PASK: variants seen among roughly 807,000 people sequenced by gnomAD.
PASK encodes PAS domain containing serine/threonine kinase.
A neutral mutation model predicts 121.0 loss-of-function variants in PASK; 110 were observed. The ratio of observed to expected loss-of-function variants is 0.91; its 90% CI spans 0.78 to 1.06. The LOEUF (loss-of-function observed/expected upper bound fraction) is 1.06. Ranked by LOEUF, PASK falls within the 50% of genes least tolerant of loss-of-function variation. PASK has a pLI of 0.00. For synonymous variants in PASK, 686 were observed against 717.8 expected, an observed-to-expected ratio of 0.96 and a Z score of 0.71; for missense variants, 1,643 against 1,702.3, an observed-to-expected ratio of 0.97 and a Z score of 0.61.
chr2:241,150,139 G>A (rs1415921688), upstream of PASK: 5 of 1,272,706 alleles, frequency 3.9e-6, no homozygotes, highest in South Asian at 6.5e-5. Flanking sequence ...GGTCGAGACA[G>A]TGACATAAGT....
intron 1 of PASK, among the ~76,000 whole-genome samples, chr2:241,143,807 CA>C (rs1248478744): frequency 6.6e-6 from 1 of 152,228 alleles, no homozygotes; most frequent in African/African-American, 2.4e-5. Flanking sequence ...CAGCTGTGCA[CA>C]GAATCACCTG....
chr2:241,144,726 G>A (rs1333160067), intron 1 of PASK, among the ~76,000 whole-genome samples: 1 of 152,186 alleles, frequency 6.6e-6, no homozygotes, highest in Non-Finnish European at 1.5e-5. Flanking sequence ...CAGGCCTGGG[G>A]TGAAGAGGAA....
At chr2:241,121,625 A>G (rs898623900) in intron 12 of PASK, among the ~76,000 whole-genome samples, 1 of 152,202 alleles carries the variant, frequency 6.6e-6, no homozygotes, top group African/African-American at 2.4e-5. Context: ...CTGCCTACAG[A>G]AGACCATTTT....
Position 241,106,414 on chromosome 2 carries a change from C to G in PASK, c.*152G>C. The stretch of plus-strand genomic sequence containing the variant: ...ATAAATCTAAAATAATACAGCATCA[C>G]TGTCTTCTGTTCTGGTGTTTATCAA... On this transcript the variant is annotated 3_prime_UTR_variant, in exon 18 of 18. Coordinates refer to ENST00000234040, the MANE Select transcript of PASK (RefSeq NM_015148.4). 1.3e-6 allele frequency: 1 copy of G among 783,638 alleles called. No individual in the cohort carries two copies. The highest frequency in any genetic ancestry group is 2.2e-6 in the Non-Finnish European group (1 of 446,476). The allele number at this position is 783,638 out of a possible 1,614,324, so 48.5% of individuals were successfully genotyped here.
chr2:241,122,629 C>T, intron 12 of PASK, 103 bp downstream of exon 12: 1 of 1,085,228 alleles, frequency 9.2e-7, no homozygotes, highest in Non-Finnish European at 1.4e-6. Flanking sequence ...GGTGCCATAC[C>T]TAGAGGACTC....
chr2:241,136,517 C>A (rs777768155), intron 7 of PASK, among the ~76,000 whole-genome samples: 3 of 152,158 alleles, frequency 2.0e-5, no homozygotes, highest in African/African-American at 4.8e-5. Flanking sequence ...AGCTGTAATG[C>A]CAGAACCCGC....
At chr2:241,148,981 C>G (rs550054208) in intron 1 of PASK, among the ~76,000 whole-genome samples, 1 of 140,604 alleles carries the variant, frequency 7.1e-6, no homozygotes, top group Non-Finnish European at 1.5e-5. Context: ...CGCCCCCGAC[C>G]CCGCGGCGCC....
chr2:241,127,347 T>A lies in PASK; in HGVS notation c.1568A>T (p.Glu523Val). The change falls in exon 10 of 18, where the codon GAG (glutamate) becomes GTG (valine). Residue 523 changes from glutamate to valine, a missense_variant. Transcript: ENST00000234040. ...ALGREEPVAI[E>V]SPGQDLLGES... is the part of the protein sequence containing the mutation. Reference sequence around the variant, plus strand: ...TCCCAGAAGATCCTGTCCGGGGCTCTCTATTGCCACAGGTTCCTCTCTCCC... The same window carrying A: ...TCCCAGAAGATCCTGTCCGGGGCTCACTATTGCCACAGGTTCCTCTCTCCC... 1.2e-6 allele frequency: 2 copies of A among 1,614,186 alleles called. No individual in the cohort carries two copies. Among genetic ancestry groups the A allele is most frequent in the South Asian group, 2.2e-5 (2 of 91,080 alleles).
chr2:241,119,429 C>T (rs1462621566), intron 12 of PASK, among the ~76,000 whole-genome samples: 2 of 151,720 alleles, frequency 1.3e-5, no homozygotes, highest in Non-Finnish European at 2.9e-5. Context: ...TCCATGCTCT[C>T]GCTGGGCATG....
At position 241,126,579 on chromosome 2, in the gene PASK, G is replaced by C. The variant is rs769570519; in HGVS notation, c.2336C>G (p.Pro779Arg). Residue 779 changes from proline to arginine, a missense_variant, in exon 10 of 18, where the codon CCA becomes CGA. Pro to Arg is a moderately radical substitution (Grantham distance 103). Around this residue, in one of 3 missense-constraint regions of PASK, gnomAD observed 1,176 missense variants for 1,162.2 expected, o/e 1.01. Coordinates refer to ENST00000234040, the MANE Select transcript of PASK (RefSeq NM_015148.4). Reference sequence around the variant, plus strand: ...CTGTTCCTGGAGACTGCCTACATCTGGATCGGAGCCCACTGCCAAGGAAGA... The same window carrying C: ...CTGTTCCTGGAGACTGCCTACATCTCGATCGGAGCCCACTGCCAAGGAAGA... ...TPSSLAVGSD[P>R]DVGSLQEQGS... 31 of 1,614,216 alleles carry C rather than the reference G, an allele frequency of 1.9e-5. No individual in the cohort carries two copies. Among genetic ancestry groups the C allele is most frequent in the Non-Finnish European group, 2.6e-5 (31 of 1,180,034 alleles).
At chr2:241,136,203 C>T (rs907918023) in intron 7 of PASK, among the ~76,000 whole-genome samples, 164 bp from the exon 8 acceptor site, 2 of 152,196 alleles carry the variant, frequency 1.3e-5, no homozygotes, top group South Asian at 2.1e-4. Flanking sequence ...CACCTGAAGC[C>T]CCTCAGATGC....
At chr2:241,115,680 C>A (rs2065308676) in intron 12 of PASK, among the ~76,000 whole-genome samples, 1 of 148,680 alleles carries the variant, frequency 6.7e-6, no homozygotes, top group African/African-American at 2.5e-5. Context: ...CCCATTACAC[C>A]AGGGCCACCC....
At chr2:241,128,682 C>A (rs2065985199) in intron 9 of PASK, among the ~76,000 whole-genome samples, 1 of 152,170 alleles carries the variant, frequency 6.6e-6, no homozygotes, top group African/African-American at 2.4e-5. Flanking sequence ...GCCTGGGCAA[C>A]ATAGTGAGAC....
intron 9 of PASK, among the ~76,000 whole-genome samples, chr2:241,128,163 C>T (rs1392227269): frequency 6.6e-6 from 1 of 152,212 alleles, no homozygotes; most frequent in Non-Finnish European, 1.5e-5. Flanking sequence ...CACCTATAAT[C>T]CCAGCTACTT....
In PASK at chr2:241,127,351, T is replaced by A; in HGVS notation, c.1564A>T (p.Ile522Leu). Reference protein sequence around the residue: ...TALGREEPVAIESPGQDLLGE... With the variant: ...TALGREEPVALESPGQDLLGE... ...AGAAGATCCTGTCCGGGGCTCTCTA[T>A]TGCCACAGGTTCCTCTCTCCCCAAG... The change falls in exon 10 of 18, where the codon ATA (isoleucine) becomes TTA (leucine). Residue 522 changes from isoleucine to leucine, a missense_variant. Ile to Leu is a conservative substitution (Grantham distance 5). Transcript: ENST00000234040. The A allele has an allele frequency of 6.2e-7, 1 of 1,614,190 alleles. No individual in the cohort carries two copies. The highest frequency in any genetic ancestry group is 8.5e-7 in the Non-Finnish European group (1 of 1,180,020).
rs1212514208 is a variant in PASK, at chr2:241,126,581, A to G, written c.2334T>C (p.Asp778=). The change falls in exon 10 of 18, where the codon GAT becomes GAC. Residue 778 remains aspartate, a synonymous_variant. Coordinates refer to ENST00000234040, the MANE Select transcript of PASK (RefSeq NM_015148.4). ...GTTCCTGGAGACTGCCTACATCTGGATCGGAGCCCACTGCCAAGGAAGAGG... is the reference window on the plus strand; with the variant it reads ...GTTCCTGGAGACTGCCTACATCTGGGTCGGAGCCCACTGCCAAGGAAGAGG... ...ETPSSLAVGS[D]PDVGSLQEQG... The G allele has an allele frequency of 6.2e-7, 1 of 1,614,256 alleles. No homozygotes were observed. Among genetic ancestry groups the G allele is most frequent in the East Asian group, 2.2e-5 (1 of 44,890 alleles).
chr2:241,146,090 T>C (rs7572500), intron 1 of PASK, among the ~76,000 whole-genome samples: 3,904 of 152,234 alleles, frequency 0.026, 155 homozygotes, highest in African/African-American at 0.088. Context: ...AGATCAACTA[T>C]TTAAAATTTA....
chr2:241,124,698 G>A lies in PASK; in HGVS notation c.2720-565C>T, dbSNP rs568242303. Among the ~76,000 whole-genome samples, 79 of 152,280 alleles carry A rather than the reference G, an allele frequency of 5.2e-4. No individual in the cohort carries two copies. In the South Asian group the frequency reaches 0.016, roughly 31 times the overall value. ...TAAGTGTGGTTAGCTTTCTTTGGTGGTGGGGGTTTACAGCCCATTTTATTT... is the reference window on the plus strand; with the variant it reads ...TAAGTGTGGTTAGCTTTCTTTGGTGATGGGGGTTTACAGCCCATTTTATTT... On this transcript the variant is annotated intron_variant, in intron 10 of 17. Transcript: ENST00000234040.
At chr2:241,139,832 C>T in intron 4 of PASK, 53 bp downstream of exon 4, 1 of 1,565,606 alleles carries the variant, frequency 6.4e-7, no homozygotes, top group South Asian at 1.1e-5. Context: ...CTGTTCCTGC[C>T]ACACACTGCT....
Sources: gnomAD v4.1 joint callset for allele counts (sites outside exome capture counted in the v4.1 genomes callset) on GRCh38, gnomAD v4.1.1 for gene constraint, gnomAD v4.1.1 regional missense constraint, MANE v1.5 for transcripts, NCBI Gene and HGNC (gene_info 2026-07-23, HGNC 2026-07-21) for gene names.